Variants in PAQR8 observed in about 807,000 individuals in gnomAD.
The protein encoded by PAQR8 is progestin and adipoQ receptor family member 8, also known as membrane progestin receptor beta.
A neutral mutation model predicts 25.2 loss-of-function variants in PAQR8; 17 were observed. The ratio of observed to expected loss-of-function variants is 0.67; its 90% CI spans 0.46 to 1.01. PAQR8 has a LOEUF of 1.01. Among genes scored for constraint, PAQR8 ranks in the 50% least tolerant of loss-of-function variants. The pLI is 0.00. For synonymous variants in PAQR8, 204 were observed against 190.6 expected (o/e 1.07, Z -0.58); for missense variants, 392 against 448.4 (o/e 0.87, Z 1.14).
intron 1 of PAQR8, among the ~76,000 whole-genome samples, chr6:52,398,298 T>C (rs2397087): frequency 0.14 from 20,933 of 146,498 alleles, 1,554 homozygotes; most frequent in Middle Eastern, 0.26. Context: ...CCTCCACCTC[T>C]CTGGTTCAAG....
rs772640209 is a variant in PAQR8, at chr6:52,404,001, C to T, written c.788C>T (p.Ser263Phe). The T allele has an allele frequency of 3.7e-6, 6 of 1,614,112 alleles. No homozygotes were observed. The African/African-American group carries it at 6.7e-5, about 18-fold the overall frequency. Residue 263 changes from serine (S) to phenylalanine (F), a missense_variant, in exon 2 of 2, where the codon TCC (serine) becomes TTC (phenylalanine). Ser to Phe is a radical substitution (Grantham distance 155, BLOSUM62 -2). Coordinates refer to ENST00000442253, the MANE Select transcript of PAQR8 (RefSeq NM_133367.5). ...TTCCTGGTTAGCGCTTATTTCTTCT[C>T]CTGCCCCGTGCCTGAGAAGTACTTC... The part of the protein sequence containing the change: ...LFFLVSAYFF[S>F]CPVPEKYFPG...
At chr6:52,379,638 T>TTTTTTTTTTTTTTTTTTTA (rs1763530252) in intron 1 of PAQR8, among the ~76,000 whole-genome samples, 1 of 139,768 alleles carries the variant, frequency 7.2e-6, no homozygotes, top group Non-Finnish European at 1.6e-5. Context: ...TTTTTTTTTT[T>TTTTTTTTTTTTTTTTTTTA]TTTTTTGAGA....
chr6:52,404,409 G>A lies in PAQR8; in HGVS notation c.*131G>A, dbSNP rs1763883880. The A allele has an allele frequency of 1.1e-6, 1 of 891,698 alleles. No individual in the cohort carries two copies. The highest frequency in any genetic ancestry group is 1.7e-5 in the African/African-American group (1 of 58,918). The allele number at this position is 891,698 out of a possible 1,614,324, so 55.2% of individuals were successfully genotyped here. A position where few individuals can be genotyped will look rare whatever the true frequency, so the allele number is the denominator to read the frequency against. On this transcript the variant is annotated 3_prime_UTR_variant, in exon 2 of 2. Coordinates refer to ENST00000442253, the MANE Select transcript of PAQR8 (RefSeq NM_133367.5). ...TATCCAAGGATATGTTATAGCTGCA[G>A]TGTTTGAAAGCCAAAGGATTTAAGA...
At chr6:52,363,713 G>T (rs1763317430) in intron 1 of PAQR8, among the ~76,000 whole-genome samples, 1 of 152,198 alleles carries the variant, frequency 6.6e-6, no homozygotes, top group South Asian at 2.1e-4. Flanking sequence ...TGCATGGAAG[G>T]TAGACTGCCC....
intron 1 of PAQR8, among the ~76,000 whole-genome samples, chr6:52,370,053 G>C (rs1222935265): frequency 2.0e-5 from 3 of 151,320 alleles, no homozygotes; most frequent in African/African-American, 7.3e-5. Context: ...AAGTGCTAAA[G>C]GTATTTCTTG....
intron 1 of PAQR8, among the ~76,000 whole-genome samples, chr6:52,364,085 T>TTG (rs1197049592): frequency 2.3e-5 from 2 of 88,298 alleles, no homozygotes; most frequent in Non-Finnish European, 4.3e-5. Flanking sequence ...AAAGATATGT[T>TTG]TTTTTTTTTT....
chr6:52,384,208 CTA>C (rs1763602158), intron 1 of PAQR8, among the ~76,000 whole-genome samples: 1 of 150,106 alleles, frequency 6.7e-6, no homozygotes, highest in South Asian at 2.1e-4. Context: ...GTTTTAAACA[CTA>C]TGTTTAAGGT....
chr6:52,368,666 G>A (rs968735606), intron 1 of PAQR8, among the ~76,000 whole-genome samples: 1 of 152,136 alleles, frequency 6.6e-6, no homozygotes, highest in Non-Finnish European at 1.5e-5. Flanking sequence ...CAATATTTCT[G>A]TGTGCACATC....
At chr6:52,375,502 A>T (rs968970651) in intron 1 of PAQR8, among the ~76,000 whole-genome samples, 2 of 151,998 alleles carry the variant, frequency 1.3e-5, no homozygotes, top group South Asian at 2.1e-4. Context: ...AGAAAGCAAA[A>T]TTTTTTTGAT....
intron 1 of PAQR8, among the ~76,000 whole-genome samples, chr6:52,373,802 A>T (rs1254669344): frequency 2.0e-5 from 3 of 151,990 alleles, no homozygotes; most frequent in African/African-American, 7.3e-5. Context: ...CAGAGCAGAC[A>T]GCAAGTAAAT....
chr6:52,402,710 AG>A (rs912761623), intron 1 of PAQR8, among the ~76,000 whole-genome samples: 7 of 152,150 alleles, frequency 4.6e-5, no homozygotes, highest in African/African-American at 1.7e-4. Flanking sequence ...GATGAATTAA[AG>A]GAGGCTCAAA....
intron 1 of PAQR8, among the ~76,000 whole-genome samples, chr6:52,388,413 G>A (rs1190620808): frequency 6.6e-6 from 1 of 151,654 alleles, no homozygotes; most frequent in African/African-American, 2.4e-5. Context: ...TAATGGGTTT[G>A]AATCATCATG....
chr6:52,390,596 A>G (rs942579204), intron 1 of PAQR8, among the ~76,000 whole-genome samples: 9 of 152,194 alleles, frequency 5.9e-5, no homozygotes, highest in Non-Finnish European at 1.3e-4. Flanking sequence ...TGACTCACGT[A>G]TTAATGCCGT....
intron 1 of PAQR8, among the ~76,000 whole-genome samples, chr6:52,384,535 C>T (rs891862930): frequency 2.9e-5 from 2 of 68,846 alleles, no homozygotes; most frequent in African/African-American, 8.5e-5. Flanking sequence ...TATGAGACAC[C>T]CAAAAAGTAT....
intron 1 of PAQR8, among the ~76,000 whole-genome samples, chr6:52,378,606 C>G (rs528579080): frequency 6.6e-6 from 1 of 151,058 alleles, no homozygotes; most frequent in African/African-American, 2.4e-5. Flanking sequence ...GCCTGACCAA[C>G]ATGATGAAAC....
rs776366741 is a variant in PAQR8, at chr6:52,403,308, A to T, written c.95A>T (p.Lys32Met). The change falls in exon 2 of 2, where the codon AAG becomes ATG. Residue 32 changes from lysine to methionine, a missense_variant. Coordinates refer to ENST00000442253, the MANE Select transcript of PAQR8 (RefSeq NM_133367.5). ...AAGATCCTGGAGGATGGGCTTCCCA[A>T]GATGCCTTGCACTGTCCCAGAAACG... ...LPKILEDGLPKMPCTVPETDV... is the reference protein window; with the variant it reads ...LPKILEDGLPMMPCTVPETDV... 1.1e-5 allele frequency: 17 copies of T among 1,614,100 alleles called. No individual in the cohort carries two copies. The South Asian group carries it at 1.8e-4, about 17-fold the overall frequency.
intron 1 of PAQR8, among the ~76,000 whole-genome samples, chr6:52,376,363 T>C (rs1171779837): frequency 1.3e-5 from 2 of 152,154 alleles, no homozygotes; most frequent in African/African-American, 4.8e-5. Context: ...CCAGGCTGCT[T>C]TCTGGGTGGT....
intron 1 of PAQR8, among the ~76,000 whole-genome samples, chr6:52,377,985 G>GT (rs984775719): frequency 2.0e-5 from 3 of 152,280 alleles, no homozygotes; most frequent in Admixed American, 6.5e-5. Context: ...TAGCATAAAA[G>GT]TTTAGGGTGT....
rs1034352287 is a variant in PAQR8, at chr6:52,405,742, A to G, written c.*1464A>G. On this transcript the variant is annotated 3_prime_UTR_variant, in exon 2 of 2. Transcript: ENST00000442253. The stretch of plus-strand genomic sequence containing the variant: ...TCCGAGTTTACTTTATTGTCTTCAA[A>G]TCTTTTGTTTTCTTCCTTTTTGTGA... The G allele has an allele frequency of 1.2e-5, 2 of 164,320 alleles. No homozygotes were observed. The highest frequency in any genetic ancestry group is 4.9e-5 in the African/African-American group (2 of 40,868). The allele number at this position is 164,320 out of a possible 1,614,324, so 10.2% of individuals were successfully genotyped here.
Sources: allele counts gnomAD v4.1 joint callset (sites outside exome capture counted in the v4.1 genomes callset), GRCh38; gene constraint gnomAD v4.1.1; transcripts MANE v1.5; gene names NCBI Gene and HGNC (gene_info 2026-07-23, HGNC 2026-07-21).